MGA: variants seen among roughly 807,000 people sequenced by gnomAD.
MGA encodes the protein MAX gene-associated protein.
MGA carries 40 observed loss-of-function variants against 261.1 expected under a neutral mutation model. The ratio of observed to expected loss-of-function variants is 0.15; its 90% CI spans 0.12 to 0.20. The LOEUF is 0.20. Among genes scored for constraint, MGA ranks in the 10% least tolerant of loss-of-function variants. The pLI, the probability that MGA is intolerant of heterozygous loss-of-function variation, is 1.00. For missense variants in MGA, 3,397 were observed against 3,630.5 expected, an observed-to-expected ratio of 0.94 and a Z score of 1.65; for synonymous variants, 1,302 against 1,290.6, an observed-to-expected ratio of 1.01 and a Z score of -0.19.
chr15:41,728,787 C>G (rs1210941100), intron 10 of MGA, among the ~76,000 whole-genome samples: 1 of 152,100 alleles, frequency 6.6e-6, no homozygotes, highest in East Asian at 1.9e-4. Context: ...TTAGAAATTT[C>G]TACAGCAAGT....
chr15:41,699,311 A>G (rs866590271), intron 5 of MGA, among the ~76,000 whole-genome samples, 152 bp downstream of exon 5: 4 of 143,144 alleles, frequency 2.8e-5, no homozygotes, highest in South Asian at 2.2e-4. Flanking sequence ...CACGTCTTTC[A>G]GTTTGCATAT....
At position 41,642,405 on chromosome 15, in the gene MGA, G is replaced by A. The variant is rs143582400; in HGVS notation, c.-68+21107G>A. ...GCTCACTGCAACTTCCACCTCCCGG[G>A]TTCAAGCTTTTCTCCTGCCTCAGCC... is the stretch of plus-strand genomic sequence containing the variant. On this transcript the variant is annotated intron_variant, in intron 1 of 8. Transcript: ENST00000566718. Among the ~76,000 whole-genome samples, 1,265 of 150,908 alleles carry A rather than the reference G, an allele frequency of 8.4e-3. 11 individuals carry two copies. Among genetic ancestry groups the A allele is most frequent in the African/African-American group, 0.025 (1,019 of 41,138 alleles).
intron 2 of MGA, among the ~76,000 whole-genome samples, chr15:41,690,317 A>AT (rs1007960796): frequency 1.3e-5 from 2 of 152,102 alleles, no homozygotes; most frequent in African/African-American, 2.4e-5. Flanking sequence ...ACATTACCAC[A>AT]TTTTTTTTAT....
In MGA at chr15:41,767,303, G is replaced by C; in HGVS notation, c.*23G>C. On this transcript the variant is annotated 3_prime_UTR_variant, in exon 24 of 24. Transcript: ENST00000219905. ...TGAACTTACTTGTCCTTAAGCAGAA[G>C]CCAGGCTGTGAGGGGAAATAGATCT... The C allele has an allele frequency of 6.3e-7, 1 of 1,577,230 alleles. No individual in the cohort carries two copies. Among genetic ancestry groups the C allele is most frequent in the Non-Finnish European group, 8.6e-7 (1 of 1,160,476 alleles).
chr15:41,706,884 G>C (rs1188432576), intron 5 of MGA, among the ~76,000 whole-genome samples: 1 of 151,976 alleles, frequency 6.6e-6, no homozygotes, highest in Non-Finnish European at 1.5e-5. Context: ...AATAATTAAC[G>C]CTTCACTTTG....
At chr15:41,636,955 G>T (rs1483344838) in intron 1 of MGA, among the ~76,000 whole-genome samples, 1 of 152,072 alleles carries the variant, frequency 6.6e-6, no homozygotes, top group Non-Finnish European at 1.5e-5. Context: ...GTATCTCAAA[G>T]GTGACACCGT....
rs913195880 is a variant in MGA at position 41,710,578 on chromosome 15, T to C, written c.2426-113T>C. The C allele has an allele frequency of 6.5e-6, 7 of 1,074,718 alleles. No individual in the cohort carries two copies. The African/African-American group carries it at 9.6e-5, about 15-fold the overall frequency. 66.6% of individuals were successfully genotyped at this position (1,074,718 alleles called of 1,614,324 possible). A position where few individuals can be genotyped will look rare whatever the true frequency, so the allele number is the denominator to read the frequency against. On this transcript the variant is annotated intron_variant, in intron 7 of 23. Coordinates refer to ENST00000219905, the MANE Select transcript of MGA (RefSeq NM_001164273.2). ...CACTGTGCCCAGCTAAGGGATAGTTTAGAAGATTCACTATCTTGTAGCTCA... is the reference window on the plus strand; with the variant it reads ...CACTGTGCCCAGCTAAGGGATAGTTCAGAAGATTCACTATCTTGTAGCTCA...
chr15:41,702,351 C>A (rs1209087632), intron 5 of MGA, among the ~76,000 whole-genome samples: 2 of 149,720 alleles, frequency 1.3e-5, no homozygotes, highest in African/African-American at 4.9e-5. Context: ...TGGACTTAAA[C>A]AGTTTCTGAA....
intron 9 of MGA, among the ~76,000 whole-genome samples, chr15:41,726,131 A>G (rs916139424): frequency 1.3e-5 from 2 of 152,170 alleles, no homozygotes; most frequent in Admixed American, 6.5e-5. Context: ...TACTGAGTTC[A>G]GGCTGTCTTT....
At position 41,684,471 on chromosome 15, in the gene MGA, C is replaced by G. The variant is rs185972589; in HGVS notation, c.1065-11604C>G. 687 of 414,678 alleles carry G rather than the reference C, an allele frequency of 1.7e-3. 3 individuals carry two copies. The highest frequency in any genetic ancestry group is 0.013 in the African/African-American group (646 of 47,998). 25.7% of individuals were successfully genotyped at this position (414,678 alleles called of 1,614,324 possible). ...ACTTAACTGTTTGTGAAATTTTTTC[C>G]CCAAGGCAAGATTTCATTCATCATG... On this transcript the variant is annotated intron_variant, in intron 2 of 23. Coordinates refer to ENST00000219905, the MANE Select transcript of MGA (RefSeq NM_001164273.2).
intron 18 of MGA, among the ~76,000 whole-genome samples, chr15:41,755,345 G>GT (rs1230935812): frequency 8.5e-5 from 13 of 152,324 alleles, no homozygotes; most frequent in East Asian, 1.9e-4. Context: ...AGGACTAATA[G>GT]TTTTCTTCAG....
intron 9 of MGA, chr15:41,718,337 G>C: frequency 3.0e-6 from 1 of 331,230 alleles, no homozygotes; most frequent in South Asian, 8.9e-5. Flanking sequence ...ATATATACAT[G>C]TATAGTATTA....
intron 8 of MGA, among the ~76,000 whole-genome samples, chr15:41,712,810 G>C (rs757631027): frequency 4.1e-4 from 62 of 152,198 alleles, no homozygotes; most frequent in African/African-American, 1.4e-3. Flanking sequence ...GTATGTGTAT[G>C]AATTAGCCTG....
Position 41,698,953 on chromosome 15 carries a change from T to C in MGA, c.2092+12T>C, listed in dbSNP as rs376017395. 7.8e-6 allele frequency: 12 copies of C among 1,547,826 alleles called. No homozygotes were observed. The highest frequency in any genetic ancestry group is 1.0e-5 in the Non-Finnish European group (12 of 1,143,962). The stretch of plus-strand genomic sequence containing the variant: ...CACAAATGACTCAGGTATTATAAAA[T>C]AGTATAAAAAGAGTTGTATTTGTGG... On this transcript the variant is annotated intron_variant, in intron 4 of 23. Transcript: ENST00000219905.
rs3210618 is a variant in MGA, at chr15:41,769,191, C to G, written c.*1911C>G. 2 of 152,576 alleles carry G rather than the reference C, an allele frequency of 1.3e-5. No individual in the cohort carries two copies. Among genetic ancestry groups the G allele is most frequent in the Non-Finnish European group, 2.9e-5 (2 of 68,052 alleles). 9.5% of individuals were successfully genotyped at this position (152,576 alleles called of 1,614,324 possible). A position where few individuals can be genotyped will look rare whatever the true frequency, so the allele number is the denominator to read the frequency against. On this transcript the variant is annotated 3_prime_UTR_variant, in exon 24 of 24. Transcript: ENST00000219905. The stretch of plus-strand genomic sequence containing the variant: ...CTTGCTTGTCGTTCCCCTACATTTC[C>G]TCCTGATTTCCCAAGACTCTCTTTG...
intron 3 of MGA, 84 bp from the exon 4 acceptor site, chr15:41,698,779 C>A: frequency 9.3e-7 from 1 of 1,073,206 alleles, no homozygotes; most frequent in Non-Finnish European, 1.3e-6. Flanking sequence ...TCCTTCTGGT[C>A]TTTAAGTTTT....
chr15:41,731,146 G>C (rs1359749384), intron 11 of MGA, among the ~76,000 whole-genome samples: 1 of 152,078 alleles, frequency 6.6e-6, no homozygotes, highest in Non-Finnish European at 1.5e-5. Context: ...AAGGATGACA[G>C]TAATTTAAAA....
chr15:41,707,635 C>A, intron 5 of MGA, 93 bp from the exon 6 acceptor site: 1 of 1,220,604 alleles, frequency 8.2e-7, no homozygotes. Context: ...CCTTACCCCC[C>A]CGCCATCTCC....
At chr15:41,761,478 C>T (rs1047581576) in intron 20 of MGA, among the ~76,000 whole-genome samples, 2 of 152,126 alleles carry the variant, frequency 1.3e-5, no homozygotes, top group Admixed American at 6.5e-5. Context: ...TGTATCTCCT[C>T]GCAGTGGTGG....
Sources: gnomAD v4.1 joint callset for allele counts (sites outside exome capture counted in the v4.1 genomes callset) on GRCh38, gnomAD v4.1.1 for gene constraint, MANE v1.5 for transcripts, NCBI Gene and HGNC (gene_info 2026-07-23, HGNC 2026-07-21) for gene names.